The following OR3A2 variants were observed in gnomAD, a reference collection of about 807,000 sequenced individuals.
The protein encoded by OR3A2 is olfactory receptor family 3 subfamily A member 2, also known as olfactory receptor 3A2.
For synonymous variants in OR3A2, 126 were observed against 159.3 expected (o/e 0.79, Z 1.57); for missense variants, 318 against 392.8 (o/e 0.81, Z 1.61).
chr17:3,333,181 A>C (rs147788067), intron 3 of OR3A2, among the ~76,000 whole-genome samples: 12 of 152,302 alleles, frequency 7.9e-5, no homozygotes, highest in African/African-American at 2.9e-4. Flanking sequence ...CCGCTCTGGG[A>C]GCATCTGTCT....
At chr17:3,291,442 C>A in intron 3 of OR3A2, 1 of 491,734 alleles carries the variant, frequency 2.0e-6, no homozygotes, top group Non-Finnish European at 3.5e-6. Context: ...GCTGGCTTGG[C>A]AGATCCTATA....
At chr17:3,369,473 T>C (rs1173858354) in intron 2 of OR3A2, among the ~76,000 whole-genome samples, 4 of 152,234 alleles carry the variant, frequency 2.6e-5, no homozygotes, top group Non-Finnish European at 4.4e-5. Context: ...CAAATGCTTT[T>C]TCTGCATCTA....
chr17:3,352,897 T>C (rs2049431834), intron 2 of OR3A2, among the ~76,000 whole-genome samples: 1 of 151,998 alleles, frequency 6.6e-6, no homozygotes, highest in Non-Finnish European at 1.5e-5. Flanking sequence ...TATCTTTCCA[T>C]TTCTGGTGTC....
At chr17:3,277,836 C>T (rs531985372) in exon 2 of OR3A2, 1 of 939,344 alleles carries the variant, frequency 1.1e-6, no homozygotes, top group Admixed American at 2.3e-5. Context: ...CCTAGTAGGA[C>T]AAATATGTAA....
At chr17:3,281,651 T>C (rs2048777691) in intron 1 of OR3A2, among the ~76,000 whole-genome samples, 1 of 58,498 alleles carries the variant, frequency 1.7e-5, no homozygotes, top group Non-Finnish European at 2.8e-5. Context: ...TTTTGTTTGT[T>C]TGTTTTGTTT....
upstream of OR3A2, among the ~76,000 whole-genome samples, chr17:3,284,934 G>A (rs1187028126): frequency 1.3e-5 from 2 of 152,092 alleles, no homozygotes; most frequent in Non-Finnish European, 2.9e-5. Flanking sequence ...AGGGAGATAA[G>A]AGGGAAAAGC....
intron 3 of OR3A2, among the ~76,000 whole-genome samples, chr17:3,303,743 CAA>C (rs71153338): frequency 9.4e-6 from 1 of 106,778 alleles, no homozygotes. Context: ...GACTTCATCT[CAA>C]AAAAAAAAAT....
chr17:3,351,004 C>G (rs1008638167), intron 2 of OR3A2, among the ~76,000 whole-genome samples: 3 of 151,922 alleles, frequency 2.0e-5, no homozygotes, highest in African/African-American at 7.3e-5. Context: ...TAAAAACTCT[C>G]AATAAATTAG....
intron 2 of OR3A2, among the ~76,000 whole-genome samples, chr17:3,372,008 G>GCTGCAATCTC (rs2049631784): frequency 1.8e-5 from 2 of 111,352 alleles, no homozygotes; most frequent in East Asian, 4.5e-4. Context: ...CCGGGCAGAG[G>GCTGCAATCTC]GGCTCCTCAC....
chr17:3,294,640 T>C (rs1240639038), intron 3 of OR3A2, among the ~76,000 whole-genome samples: 1 of 152,118 alleles, frequency 6.6e-6, no homozygotes, highest in Non-Finnish European at 1.5e-5. Context: ...CACTGGAGTA[T>C]CACTGAATAT....
At chr17:3,331,524 G>A (rs2049234160) in intron 3 of OR3A2, among the ~76,000 whole-genome samples, 1 of 151,482 alleles carries the variant, frequency 6.6e-6, no homozygotes, top group Admixed American at 6.6e-5. Flanking sequence ...TGAGGCTTCT[G>A]CATTCTTCAC....
intron 3 of OR3A2, chr17:3,292,631 A>G: frequency 7.0e-7 from 1 of 1,433,924 alleles, no homozygotes; most frequent in African/African-American, 1.4e-5. Context: ...ACTCCTCCCA[A>G]TAATTTATTT....
At chr17:3,338,247 T>C (rs1247298928) in intron 2 of OR3A2, among the ~76,000 whole-genome samples, 1 of 152,192 alleles carries the variant, frequency 6.6e-6, no homozygotes, top group Admixed American at 6.5e-5. Flanking sequence ...TGGTAGTTTC[T>C]TTTGCTGTGC....
rs576604241 is a variant in OR3A2, at chr17:3,341,566, T to C, written c.-178-5440A>G. On this transcript the variant is annotated intron_variant, in intron 2 of 4. Coordinates refer to the OR3A2 transcript ENST00000573491. ...ATGAAATTCTGGGTTGAAAATTCTTTTCTTTAAGAATGTTGAATATTGGCC... is the reference window on the plus strand; with the variant it reads ...ATGAAATTCTGGGTTGAAAATTCTTCTCTTTAAGAATGTTGAATATTGGCC... Among the ~76,000 whole-genome samples, 4 of 152,270 alleles carry C rather than the reference T, an allele frequency of 2.6e-5. No homozygotes were observed. The East Asian group carries it at 7.7e-4, about 29-fold the overall frequency.
chr17:3,288,572 C>T (rs1176352336), upstream of OR3A2, among the ~76,000 whole-genome samples: 4 of 152,134 alleles, frequency 2.6e-5, no homozygotes. Context: ...TGTGTTCAAC[C>T]ACACCCATAA....
intron 2 of OR3A2, among the ~76,000 whole-genome samples, chr17:3,349,537 C>A (rs1406874887): frequency 6.6e-6 from 1 of 152,086 alleles, no homozygotes; most frequent in Non-Finnish European, 1.5e-5. Flanking sequence ...TACAGCAAGT[C>A]CTGAGTGATC....
chr17:3,374,126 C>A (rs576975563), intron 2 of OR3A2, among the ~76,000 whole-genome samples: 1 of 152,302 alleles, frequency 6.6e-6, no homozygotes, highest in East Asian at 1.9e-4. Flanking sequence ...AGTAGAACCC[C>A]AATCCCTTCT....
chr17:3,347,794 G>A (rs1171362124), intron 2 of OR3A2, among the ~76,000 whole-genome samples: 3 of 152,300 alleles, frequency 2.0e-5, no homozygotes, highest in Admixed American at 1.3e-4. Context: ...ACTATGTCTA[G>A]TTCTAGATCC....
intron 3 of OR3A2, among the ~76,000 whole-genome samples, chr17:3,317,880 T>C (rs2049090640): frequency 6.6e-6 from 1 of 152,034 alleles, no homozygotes; most frequent in Admixed American, 6.6e-5. Flanking sequence ...TAGCCCTCAC[T>C]TTCCATGAAT....
Sources: gnomAD v4.1 joint callset for allele counts (sites outside exome capture counted in the v4.1 genomes callset) on GRCh38, gnomAD v4.1.1 for gene constraint, MANE v1.5 for transcripts, NCBI Gene and HGNC (gene_info 2026-07-23, HGNC 2026-07-21) for gene names.